The following NOX4 variants were observed in gnomAD, a reference collection of about 807,000 sequenced individuals.
NOX4 encodes the protein kidney oxidase-1.
NOX4 carries 69 observed loss-of-function variants against 87.6 expected under a neutral mutation model. The observed-to-expected ratio is 0.79, with a 90% confidence interval of 0.65 to 0.96. The LOEUF (loss-of-function observed/expected upper bound fraction) is 0.96, where lower values mean the gene tolerates loss of function less well. Ranked by LOEUF, NOX4 falls within the 40% of genes least tolerant of loss-of-function variation. The pLI, the probability that NOX4 is intolerant of heterozygous loss-of-function variation, is 0.00. For synonymous variants in NOX4, 275 were observed against 238.2 expected, an observed-to-expected ratio of 1.15 and a Z score of -1.42; for missense variants, 680 against 681.5, an observed-to-expected ratio of 1.00 and a Z score of 0.02.
intron 11 of NOX4, among the ~76,000 whole-genome samples, chr11:89,380,274 G>A (rs1485983444): frequency 6.6e-6 from 1 of 152,158 alleles, no homozygotes; most frequent in Non-Finnish European, 1.5e-5. Flanking sequence ...AAAATGTGGA[G>A]AAAAACAGGT....
chr11:89,407,649 T>C (rs1942260245), intron 8 of NOX4, among the ~76,000 whole-genome samples: 1 of 152,102 alleles, frequency 6.6e-6, no homozygotes, highest in Admixed American at 6.6e-5. Flanking sequence ...TTGTTGTTTG[T>C]TTTGCTTTCT....
chr11:89,567,120 G>A, the NOX4 span, among the ~76,000 whole-genome samples: 8 of 152,240 alleles, frequency 5.3e-5, 1 homozygote, highest in South Asian at 4.1e-4. Context: ...TCCATGGGAC[G>A]GGGCCAGTCT....
In NOX4 at chr11:89,349,388, T is replaced by A. The variant is rs187782767; in HGVS notation, c.1217+5574A>T. 5.6e-3 allele frequency among the ~76,000 whole-genome samples: 859 copies of A among 152,198 alleles called. 6 individuals carry two copies. The highest frequency in any genetic ancestry group is 6.9e-3 in the Non-Finnish European group (470 of 68,016). On this transcript the variant is annotated intron_variant, in intron 13 of 17. Transcript: ENST00000263317. ...GACATGCAGATTGAACAGAAATTAT[T>A]AAAGATAGATGATATCTTGAAGAAG...
At chr11:89,460,380 CGG>C (rs1565320707) in intron 2 of NOX4, among the ~76,000 whole-genome samples, 9 of 152,186 alleles carry the variant, frequency 5.9e-5, no homozygotes, top group South Asian at 4.1e-4. Flanking sequence ...AGGCAACCTA[CGG>C]AATGGGAGAA....
the NOX4 span, among the ~76,000 whole-genome samples, chr11:89,587,623 T>C: frequency 6.6e-6 from 1 of 152,212 alleles, no homozygotes. Flanking sequence ...CATAAACCAA[T>C]AGAACCATGG....
At chr11:89,588,262 T>C in the NOX4 span, among the ~76,000 whole-genome samples, 4 of 152,208 alleles carry the variant, frequency 2.6e-5, no homozygotes, top group African/African-American at 9.7e-5. Flanking sequence ...TTGTAGTAAA[T>C]GCTACCTCAT....
chr11:89,585,509 TG>T, the NOX4 span, among the ~76,000 whole-genome samples: 1 of 152,178 alleles, frequency 6.6e-6, no homozygotes, highest in East Asian at 1.9e-4. Context: ...TTAGGCTTCA[TG>T]GGCCATATGG....
chr11:89,439,057 A>C (rs1027650992), intron 6 of NOX4, among the ~76,000 whole-genome samples: 10 of 132,096 alleles, frequency 7.6e-5, no homozygotes, highest in African/African-American at 2.5e-4. Flanking sequence ...TAATAATAAT[A>C]CTACTAATAG....
intron 4 of NOX4, 131 bp from the exon 5 acceptor site, chr11:89,444,363 T>G: frequency 1.4e-6 from 1 of 710,064 alleles, no homozygotes; most frequent in South Asian, 2.0e-5. Flanking sequence ...AAATATTACA[T>G]TGAAAGGTGA....
intron 6 of NOX4, among the ~76,000 whole-genome samples, chr11:89,439,068 T>C (rs1944343457): frequency 7.3e-6 from 1 of 137,258 alleles, no homozygotes; most frequent in East Asian, 2.0e-4. Flanking sequence ...CTACTAATAG[T>C]ATAATAATAT....
chr11:89,390,442 G>A (rs1941046113), intron 11 of NOX4, among the ~76,000 whole-genome samples: 1 of 152,124 alleles, frequency 6.6e-6, no homozygotes, highest in Non-Finnish European at 1.5e-5. Flanking sequence ...GCCAACTATT[G>A]TAACAATTTA....
At chr11:89,509,957 G>A in the NOX4 span, among the ~76,000 whole-genome samples, 1 of 152,058 alleles carries the variant, frequency 6.6e-6, no homozygotes, top group Non-Finnish European at 1.5e-5. Context: ...GTAATGATGG[G>A]TAGTAGGAAT....
intron 6 of NOX4, among the ~76,000 whole-genome samples, chr11:89,438,887 AT>A (rs1159492120): frequency 3.0e-3 from 57 of 19,058 alleles, no homozygotes; most frequent in Middle Eastern, 0.062. Context: ...TATATAATAT[AT>A]TATATATTAT....
rs115110517 is a variant in NOX4, at chr11:89,457,448, C to A, written c.154-5553G>T. Among the ~76,000 whole-genome samples the A allele has an allele frequency of 9.4e-3, 1,424 of 152,288 alleles. 21 individuals carry two copies. The highest frequency in any genetic ancestry group is 0.033 in the African/African-American group (1,374 of 41,550). On this transcript the variant is annotated intron_variant, in intron 2 of 17. Transcript: ENST00000263317. ...CCACCCAAGCCAACAGGAGTAAACC[C>A]TGCCAGCACCAGCTTTGTAGAGTTG... is the stretch of plus-strand genomic sequence containing the variant.
At chr11:89,410,100 TTTTC>T (rs1373983425) in intron 8 of NOX4, among the ~76,000 whole-genome samples, 2 of 152,058 alleles carry the variant, frequency 1.3e-5, no homozygotes, top group Middle Eastern at 3.2e-3. Flanking sequence ...ATGGGTTTTC[TTTTC>T]TTTCAGATTT....
intron 2 of NOX4, among the ~76,000 whole-genome samples, chr11:89,476,676 C>T (rs1049351465): frequency 2.0e-5 from 3 of 152,024 alleles, no homozygotes; most frequent in Non-Finnish European, 4.4e-5. Context: ...CCTTTATATT[C>T]ATGATGATGC....
chr11:89,440,693 G>T lies in NOX4; in HGVS notation c.470C>A (p.Thr157Lys). The T allele has an allele frequency of 6.5e-7, 1 of 1,544,810 alleles. No homozygotes were observed. The highest frequency in any genetic ancestry group is 8.8e-7 in the Non-Finnish European group (1 of 1,132,754). ...RDEDPRKLLFTTVPGLTGVCM... is the reference protein window; with the variant it reads ...RDEDPRKLLFKTVPGLTGVCM... ...GGCTAAGAATAACAACTTACCAGTT[G>T]TGAAGAGAAGTTTTCTAGGATCCTG... The change falls in exon 6 of 18, where the codon ACA becomes AAA. Residue 157 changes from threonine to lysine, a missense_variant. By Grantham distance (78) the Thr-to-Lys change is moderately conservative (BLOSUM62 -1). Coordinates refer to ENST00000263317, the MANE Select transcript of NOX4 (RefSeq NM_016931.5).
At chr11:89,433,751 C>A (rs1053383695) in intron 6 of NOX4, among the ~76,000 whole-genome samples, 3 of 151,920 alleles carry the variant, frequency 2.0e-5, no homozygotes, top group Non-Finnish European at 4.4e-5. Context: ...TATGGCATAA[C>A]ATTTGTTTTT....
At chr11:89,434,381 C>T (rs1210691669) in intron 6 of NOX4, among the ~76,000 whole-genome samples, 3 of 152,084 alleles carry the variant, frequency 2.0e-5, no homozygotes, top group Non-Finnish European at 4.4e-5. Context: ...GTGCCCTTCC[C>T]TAATGTACCT....
Sources: allele counts gnomAD v4.1 joint callset (sites outside exome capture counted in the v4.1 genomes callset), GRCh38; gene constraint gnomAD v4.1.1; transcripts MANE v1.5; gene names NCBI Gene and HGNC (gene_info 2026-07-23, HGNC 2026-07-21).